Variants in RGSL1 observed in about 807,000 individuals in gnomAD.
RGSL1 encodes regulator of G protein signaling like 1.
Under a neutral mutation model 124.7 loss-of-function variants are expected in RGSL1, and 97 were observed. The observed-to-expected ratio is 0.78, with a 90% CI of 0.66 to 0.92. The LOEUF (loss-of-function observed/expected upper bound fraction) is 0.92, where lower values mean the gene tolerates loss of function less well. RGSL1 is among the 40% of genes least tolerant of loss of function. The probability of loss-of-function intolerance (pLI) is 0.00; values close to 1 mark genes in which losing one functional copy is unlikely to be tolerated. For missense variants in RGSL1, 1,233 were observed against 1,288.4 expected (o/e 0.96, Z 0.66); for synonymous variants, 424 against 438.1 (o/e 0.97, Z 0.40).
intron 21 of RGSL1, among the ~76,000 whole-genome samples, chr1:182,559,141 G>A (rs1661028409): frequency 6.6e-6 from 1 of 152,008 alleles, no homozygotes; most frequent in African/African-American, 2.4e-5. Context: ...TGCTCCCTGT[G>A]GCTCTCCTGT....
At chr1:182,540,162 CCTTT>C in intron 14 of RGSL1, 81 bp from the exon 15 acceptor site, 1 of 1,316,274 alleles carries the variant, frequency 7.6e-7, no homozygotes, top group Non-Finnish European at 1.0e-6. Flanking sequence ...TCCACAGTCT[CCTTT>C]CTTCTTTTTG....
At chr1:182,488,594 C>T (rs376619699) in intron 7 of RGSL1, 15 of 434,486 alleles carry the variant, frequency 3.5e-5, no homozygotes, top group Admixed American at 7.4e-5. Context: ...GGCGTAGTGG[C>T]GGGCGCCTGT....
At chr1:182,458,117 G>C (rs1270841521) in intron 2 of RGSL1, among the ~76,000 whole-genome samples, 3 of 152,248 alleles carry the variant, frequency 2.0e-5, no homozygotes, top group African/African-American at 4.8e-5. Context: ...CAAAAGATGA[G>C]TGAATCGTGC....
intron 4 of RGSL1, among the ~76,000 whole-genome samples, chr1:182,472,154 T>C (rs753827076): frequency 1.3e-4 from 20 of 152,028 alleles, no homozygotes; most frequent in Non-Finnish European, 1.8e-4. Flanking sequence ...CCAGTGATGG[T>C]TTTTCTAACA....
intron 9 of RGSL1, among the ~76,000 whole-genome samples, chr1:182,519,191 A>G (rs1002831488): frequency 2.6e-5 from 4 of 152,148 alleles, no homozygotes; most frequent in Admixed American, 6.5e-5. Context: ...AGGTTAACTC[A>G]CATATTTAAC....
At chr1:182,557,202 C>G (rs1461958637) in intron 21 of RGSL1, among the ~76,000 whole-genome samples, 1 of 152,144 alleles carries the variant, frequency 6.6e-6, no homozygotes, top group Non-Finnish European at 1.5e-5. Context: ...CCCAGCAAGA[C>G]AGGAAGGCCT....
At chr1:182,533,445 G>C (rs899571697) in intron 14 of RGSL1, among the ~76,000 whole-genome samples, 2 of 122,910 alleles carry the variant, frequency 1.6e-5, no homozygotes, top group African/African-American at 8.1e-5. Flanking sequence ...TTTAACACAC[G>C]TTTTGAGAAT....
At chr1:182,482,478 CTGTT>C (rs1362925175) in intron 6 of RGSL1, among the ~76,000 whole-genome samples, 1 of 152,222 alleles carries the variant, frequency 6.6e-6, no homozygotes, top group Non-Finnish European at 1.5e-5. Context: ...TATCATGCCT[CTGTT>C]TGCAGATGAC....
In RGSL1 at chr1:182,553,527, G is replaced by C. The variant is rs764930788; in HGVS notation, c.3116G>C (p.Ser1039Thr). The change falls in exon 19 of 22, where the codon AGT becomes ACT. Residue 1039 changes from serine (S) to threonine (T), a missense_variant. Transcript: ENST00000294854. The part of the protein sequence containing the change: ...EWLQPQREAI[S>T]SVQNSSSSKL... ...TTGCAGCCTCAACGGGAAGCAATAAGTTCAGTTCAAAATTGTGAGTTGGAA... is the reference window on the plus strand; with the variant it reads ...TTGCAGCCTCAACGGGAAGCAATAACTTCAGTTCAAAATTGTGAGTTGGAA... 1.9e-5 allele frequency: 29 copies of C among 1,551,782 alleles called. No individual in the cohort carries two copies. The highest frequency in any genetic ancestry group is 2.4e-5 in the Non-Finnish European group (28 of 1,147,002).
At chr1:182,501,244 C>T (rs1434299708) in intron 9 of RGSL1, among the ~76,000 whole-genome samples, 1 of 124,984 alleles carries the variant, frequency 8.0e-6, no homozygotes, top group African/African-American at 3.1e-5. Context: ...AGATGATTTT[C>T]GTCCTTCCTT....
chr1:182,508,876 T>G (rs1399673192), intron 9 of RGSL1, among the ~76,000 whole-genome samples: 1 of 97,140 alleles, frequency 1.0e-5, no homozygotes, highest in Non-Finnish European at 2.1e-5. Context: ...AGATTAGGGA[T>G]TGGTGATGAC....
chr1:182,467,958 G>A (rs373689140), intron 4 of RGSL1, among the ~76,000 whole-genome samples: 1 of 152,146 alleles, frequency 6.6e-6, no homozygotes, highest in East Asian at 1.9e-4. Context: ...GTCGGCAAAG[G>A]CTATGAACAG....
At chr1:182,474,644 T>C in intron 6 of RGSL1, 102 bp downstream of exon 6, 1 of 1,403,350 alleles carries the variant, frequency 7.1e-7, no homozygotes, top group Non-Finnish European at 9.4e-7. Context: ...ACTATATAAT[T>C]ACCCACATAA....
chr1:182,544,045 G>C (rs1660055790), intron 15 of RGSL1, among the ~76,000 whole-genome samples: 1 of 151,662 alleles, frequency 6.6e-6, no homozygotes, highest in South Asian at 2.1e-4. Context: ...CTACTAATTT[G>C]GGTTTGGTTT....
intron 10 of RGSL1, among the ~76,000 whole-genome samples, chr1:182,523,983 G>A (rs1480947550): frequency 1.3e-5 from 2 of 152,150 alleles, no homozygotes; most frequent in African/African-American, 2.4e-5. Context: ...TATTTTGTAG[G>A]TAGGGATAAA....
chr1:182,473,583 C>T lies in RGSL1; in HGVS notation c.472C>T (p.Leu158=). The T allele has an allele frequency of 1.3e-6, 2 of 1,543,920 alleles. No homozygotes were observed. Among genetic ancestry groups the T allele is most frequent in the Non-Finnish European group, 1.7e-6 (2 of 1,143,196 alleles). Residue 158 remains leucine, a synonymous_variant, in exon 6 of 22, where the codon CTG becomes TTG. Transcript: ENST00000294854. ...TLCNMNIKSL[L]NLSIWHPNQS... ...CTCTGTATTATTTCCAGAGTCCCTCCTGAACCTCTCCATCTGGCATCCCAA... is the reference window on the plus strand; with the variant it reads ...CTCTGTATTATTTCCAGAGTCCCTCTTGAACCTCTCCATCTGGCATCCCAA...
intron 9 of RGSL1, among the ~76,000 whole-genome samples, chr1:182,504,241 C>G (rs1446426446): frequency 6.6e-6 from 1 of 152,066 alleles, no homozygotes; most frequent in Non-Finnish European, 1.5e-5. Flanking sequence ...TACAGCCTCC[C>G]AAAGTGCTGG....
chr1:182,537,773 C>T (rs1659643823), intron 14 of RGSL1, among the ~76,000 whole-genome samples: 1 of 152,026 alleles, frequency 6.6e-6, no homozygotes. Context: ...TGTGTGAGCA[C>T]CAAGGACCGT....
chr1:182,482,746 T>G (rs1654809295), intron 6 of RGSL1, among the ~76,000 whole-genome samples: 1 of 152,246 alleles, frequency 6.6e-6, no homozygotes, highest in Non-Finnish European at 1.5e-5. Flanking sequence ...AATCACCTTT[T>G]GATCCAGCAA....
Sources: allele counts gnomAD v4.1 joint callset (sites outside exome capture counted in the v4.1 genomes callset), GRCh38; gene constraint gnomAD v4.1.1; transcripts MANE v1.5; gene names NCBI Gene and HGNC (gene_info 2026-07-23, HGNC 2026-07-21).